PARN: variants seen among roughly 807,000 people sequenced by gnomAD.
The protein encoded by PARN is poly(A)-specific ribonuclease.
Under a neutral mutation model 102.8 loss-of-function variants are expected in PARN, and 71 were observed. That is an observed-to-expected ratio of 0.69 (90% CI 0.57 to 0.84). The LOEUF is 0.84. Ranked by LOEUF, PARN falls within the 40% of genes least tolerant of loss-of-function variation. The pLI is 0.00. For synonymous variants in PARN, 261 were observed against 252.9 expected (o/e 1.03, Z -0.30); for missense variants, 782 against 760.9 (o/e 1.03, Z -0.33).
chr16:14,599,927 C>T lies in PARN; in HGVS notation c.817G>A (p.Val273Ile). ...ACCGAATTAGCAATGGCGTGAATGA[C>T]TCTAGAAAATCCCACAGCATCATTC... The part of the protein sequence containing the change: ...ELNDAVGFSR[V>I]IHAIANSGKL... Residue 273 changes from valine (V) to isoleucine (I), a missense_variant, in exon 12 of 24, where the codon GTC becomes ATC. Physicochemically the swap from Val to Ile is conservative, Grantham distance 29. Coordinates refer to ENST00000437198, the MANE Select transcript of PARN (RefSeq NM_002582.4). 1 of 1,603,480 alleles carries T rather than the reference C, an allele frequency of 6.2e-7. No individual in the cohort carries two copies. The highest frequency in any genetic ancestry group is 8.5e-7 in the Non-Finnish European group (1 of 1,173,440).
At chr16:14,479,920 C>CAAAAAAAAA in intron 22 of PARN, among the ~76,000 whole-genome samples, 1 of 102,884 alleles carries the variant, frequency 9.7e-6, no homozygotes, top group Non-Finnish European at 2.2e-5. Context: ...AACCTTCTAC[C>CAAAAAAAAA]AAAAAAAAAA....
At chr16:14,576,480 A>G (rs1969148937) in intron 18 of PARN, among the ~76,000 whole-genome samples, 2 of 152,262 alleles carry the variant, frequency 1.3e-5, no homozygotes, top group African/African-American at 4.8e-5. Flanking sequence ...TACCGAAGAC[A>G]GTTAACAAAA....
chr16:14,610,631 T>C lies in PARN; in HGVS notation c.554+13A>G. The C allele has an allele frequency of 7.7e-6, 12 of 1,560,556 alleles. No individual in the cohort carries two copies. The highest frequency in any genetic ancestry group is 9.7e-6 in the Non-Finnish European group (11 of 1,131,334). On this transcript the variant is annotated intron_variant, in intron 7 of 23. Transcript: ENST00000437198. ...GCACACAATGCACGCTTAGTTTTAA[T>C]TTAGGAACTTACACCACTTGGTCAA... is the stretch of plus-strand genomic sequence containing the variant.
chr16:14,505,651 T>C (rs1277737690), intron 21 of PARN, among the ~76,000 whole-genome samples: 1 of 152,206 alleles, frequency 6.6e-6, no homozygotes, highest in East Asian at 1.9e-4. Flanking sequence ...CAGAACCATG[T>C]CTTGTACCTA....
intron 12 of PARN, 121 bp downstream of exon 12, chr16:14,599,783 T>C (rs1035009744): frequency 1.3e-5 from 8 of 611,004 alleles, no homozygotes; most frequent in Non-Finnish European, 2.3e-5. Context: ...AGTTCTAACT[T>C]CTTAGAATGT....
chr16:14,559,977 C>T (rs748154731), intron 18 of PARN, among the ~76,000 whole-genome samples: 4 of 152,328 alleles, frequency 2.6e-5, no homozygotes, highest in Admixed American at 6.5e-5. Context: ...GGCCTCCCAC[C>T]GTCCTTATGC....
intron 22 of PARN, among the ~76,000 whole-genome samples, chr16:14,474,787 G>A (rs1193839928): frequency 1.3e-5 from 2 of 152,150 alleles, no homozygotes; most frequent in African/African-American, 4.8e-5. Flanking sequence ...TTGTCTCTAA[G>A]GATTTTTCAG....
At chr16:14,613,428 C>T (rs924424726) in intron 6 of PARN, among the ~76,000 whole-genome samples, 10 of 151,954 alleles carry the variant, frequency 6.6e-5, no homozygotes, top group Admixed American at 4.6e-4. Context: ...TTAAGACCAG[C>T]CTGTCCAATA....
At chr16:14,619,430 C>A (rs1461645966) in intron 5 of PARN, among the ~76,000 whole-genome samples, 1 of 151,082 alleles carries the variant, frequency 6.6e-6, no homozygotes, top group East Asian at 1.9e-4. Flanking sequence ...GGCAAGACCC[C>A]ATTTCAATTA....
intron 22 of PARN, among the ~76,000 whole-genome samples, chr16:14,473,424 G>C (rs1353247214): frequency 6.6e-6 from 1 of 152,160 alleles, no homozygotes; most frequent in African/African-American, 2.4e-5. Context: ...GGCTAGACTA[G>C]GTAAATCTAC....
At chr16:14,537,047 A>C (rs1275131317) in intron 21 of PARN, among the ~76,000 whole-genome samples, 2 of 152,216 alleles carry the variant, frequency 1.3e-5, no homozygotes, top group Non-Finnish European at 2.9e-5. Context: ...CTATCCAAAA[A>C]GGGACTAATA....
chr16:14,564,256 C>G (rs767704650), intron 18 of PARN, among the ~76,000 whole-genome samples: 1 of 152,200 alleles, frequency 6.6e-6, no homozygotes, highest in Non-Finnish European at 1.5e-5. Context: ...TAAGCAAGTG[C>G]TCAGGATACA....
chr16:14,440,695 G>A (rs1960905003), intron 23 of PARN, among the ~76,000 whole-genome samples: 1 of 152,154 alleles, frequency 6.6e-6, no homozygotes, highest in African/African-American at 2.4e-5. Flanking sequence ...GAGGATACAC[G>A]CACCACCACA....
chr16:14,575,118 C>T (rs1330207476), intron 18 of PARN, among the ~76,000 whole-genome samples: 1 of 152,202 alleles, frequency 6.6e-6, no homozygotes, highest in Non-Finnish European at 1.5e-5. Context: ...AAGTCTGCTG[C>T]AGGGGTGGGG....
Position 14,436,771 on chromosome 16 carries a change from T to C in PARN, c.1866A>G (p.Gly622=). The change falls in exon 24 of 24, where the codon GGA becomes GGG. Residue 622 remains glycine (G), a splice_region_variant and synonymous_variant. Transcript: ENST00000437198. ...TGGCAGGGCTGTTCTTCGAGATGCT[T>C]CCTGGTGGGAAAGAACAAAACAATA... ...KRMKKELSPA[G]SISKNSPATL... is the part of the protein sequence containing the mutation. 2 of 1,586,280 alleles carry C rather than the reference T, an allele frequency of 1.3e-6. No individual in the cohort carries two copies. The highest frequency in any genetic ancestry group is 1.7e-6 in the Non-Finnish European group (2 of 1,165,810).
At position 14,593,334 on chromosome 16, in the gene PARN, G is replaced by A; in HGVS notation, c.885C>T (p.His295=). 6.2e-7 allele frequency: 1 copy of A among 1,607,332 alleles called. No individual in the cohort carries two copies. Among genetic ancestry groups the A allele is most frequent in the East Asian group, 2.2e-5 (1 of 44,846 alleles). Residue 295 remains histidine (H), a synonymous_variant, in exon 13 of 24, where the codon CAC becomes CAT. Transcript: ENST00000437198. The stretch of plus-strand genomic sequence containing the variant: ...GAGGGCAGTAGAACTGATGAACTGT[G>A]TGCATGACGTCCAAGAGCATATTGT... The part of the protein sequence containing the change: ...IGHNMLLDVM[H]TVHQFYCPLP...
intron 18 of PARN, among the ~76,000 whole-genome samples, chr16:14,579,949 T>C (rs1969408205): frequency 6.6e-6 from 1 of 150,920 alleles, no homozygotes; most frequent in Non-Finnish European, 1.5e-5. Flanking sequence ...GCACTCCACA[T>C]TGCAGCCTGG....
intron 6 of PARN, among the ~76,000 whole-genome samples, chr16:14,616,670 G>A (rs1005371152): frequency 6.6e-6 from 1 of 152,164 alleles, no homozygotes; most frequent in Admixed American, 6.5e-5. Context: ...TTTGAGCCCA[G>A]GAGGTCAAGG....
intron 18 of PARN, among the ~76,000 whole-genome samples, chr16:14,567,758 G>A (rs187897030): frequency 2.0e-5 from 3 of 152,296 alleles, no homozygotes; most frequent in African/African-American, 2.4e-5. Context: ...GGCAGACAAT[G>A]GAGGAGGCTG....
Sources: allele counts gnomAD v4.1 joint callset (sites outside exome capture counted in the v4.1 genomes callset), GRCh38; gene constraint gnomAD v4.1.1; transcripts MANE v1.5; gene names NCBI Gene and HGNC (gene_info 2026-07-23, HGNC 2026-07-21).